CHRM3: variants seen among roughly 807,000 people sequenced by gnomAD.
CHRM3 encodes the protein muscarinic acetylcholine receptor M3.
A neutral mutation model predicts 41.8 loss-of-function variants in CHRM3; 11 were observed. That is an observed-to-expected ratio of 0.26 (90% CI 0.17 to 0.44). The LOEUF (loss-of-function observed/expected upper bound fraction) is 0.44. Among genes scored for constraint, CHRM3 ranks in the 20% least tolerant of loss-of-function variants. CHRM3 has a pLI of 1.00. For synonymous variants in CHRM3, 297 were observed against 301.4 expected, an observed-to-expected ratio of 0.99 and a Z score of 0.15; for missense variants, 571 against 745.4, an observed-to-expected ratio of 0.77 and a Z score of 2.72.
intron 5 of CHRM3, among the ~76,000 whole-genome samples, chr1:239,793,832 GA>G (rs1669543748): frequency 2.5e-5 from 1 of 40,512 alleles, no homozygotes; most frequent in Middle Eastern, 0.017. Flanking sequence ...TTTTTTTGGT[GA>G]TAAGATCTCA....
Position 239,914,015 on chromosome 1 carries a change from G to C in CHRM3, c.*4791G>C, listed in dbSNP as rs1680510962. ...GAGAATCAAAGGGGCTCACATCTCA[G>C]TTGCATTCTATTTAAAAGATAAAGG... On this transcript the variant is annotated 3_prime_UTR_variant, in exon 7 of 7. Coordinates refer to ENST00000676153, the MANE Select transcript of CHRM3 (RefSeq NM_001375978.1). 1 of 166,954 alleles carries C rather than the reference G, an allele frequency of 6.0e-6. No homozygotes were observed. Among genetic ancestry groups the C allele is most frequent in the Non-Finnish European group, 1.5e-5 (1 of 68,120 alleles). 10.3% of individuals were successfully genotyped at this position (166,954 alleles called of 1,614,324 possible).
chr1:239,841,279 T>G (rs1356216238), intron 6 of CHRM3, among the ~76,000 whole-genome samples: 1 of 152,192 alleles, frequency 6.6e-6, no homozygotes, highest in African/African-American at 2.4e-5. Flanking sequence ...TGACAATTTG[T>G]TAGAAGTTTC....
chr1:239,528,751 G>A (rs1670169182), intron 2 of CHRM3, among the ~76,000 whole-genome samples: 1 of 152,042 alleles, frequency 6.6e-6, no homozygotes, highest in Non-Finnish European at 1.5e-5. Context: ...AAGTTAGCTG[G>A]GCATGGTGGC....
chr1:239,872,774 T>C (rs1324322096), intron 6 of CHRM3, among the ~76,000 whole-genome samples: 3 of 152,198 alleles, frequency 2.0e-5, no homozygotes, highest in Admixed American at 6.5e-5. Context: ...GGATATGTTT[T>C]TTCAAGTAAT....
At chr1:239,685,531 C>T (rs1659048450) in intron 5 of CHRM3, among the ~76,000 whole-genome samples, 1 of 151,906 alleles carries the variant, frequency 6.6e-6, no homozygotes, top group African/African-American at 2.4e-5. Context: ...CCTCTCAAAA[C>T]TGTGTTCTGG....
chr1:239,697,280 GTT>G (rs1437975219), intron 5 of CHRM3, among the ~76,000 whole-genome samples: 15 of 152,194 alleles, frequency 9.9e-5, no homozygotes, highest in African/African-American at 3.6e-4. Context: ...AGATCTGATG[GTT>G]TTATAAAGGC....
At chr1:239,654,012 A>G (rs1672477753) in intron 4 of CHRM3, among the ~76,000 whole-genome samples, 1 of 152,224 alleles carries the variant, frequency 6.6e-6, no homozygotes, top group Non-Finnish European at 1.5e-5. Flanking sequence ...CCTAGGCTGG[A>G]GTGCAGTGGC....
intron 5 of CHRM3, chr1:239,706,280 A>G (rs1661157480): frequency 6.6e-6 from 1 of 151,632 alleles, no homozygotes; most frequent in African/African-American, 2.4e-5. Context: ...TGATTTATTT[A>G]TGGGATTGAA....
At chr1:239,822,172 A>T (rs6429161) in intron 5 of CHRM3, among the ~76,000 whole-genome samples, 22,922 of 152,190 alleles carry the variant, frequency 0.15, 2,204 homozygotes, top group African/African-American at 0.26. Context: ...TCTGCATAGA[A>T]ATCTAATTCA....
chr1:239,908,283 G>A lies in CHRM3; in HGVS notation c.832G>A (p.Glu278Lys), dbSNP rs751770776. The part of the protein sequence containing the change: ...LQASGTEAET[E>K]NFVHPTGSSR... The stretch of plus-strand genomic sequence containing the variant: ...AGCCTCTGGGACAGAGGCAGAGACA[G>A]AAAACTTTGTCCACCCCACGGGCAG... The change falls in exon 7 of 7, where the codon GAA (glutamate) becomes AAA (lysine). Residue 278 changes from glutamate (E) to lysine (K), a missense_variant. Glu to Lys is a moderately conservative substitution (Grantham distance 56). Around this residue, in one of 5 missense-constraint regions of CHRM3, gnomAD observed 153 missense variants for 296.3 expected, o/e 0.52. Coordinates refer to ENST00000676153, the MANE Select transcript of CHRM3 (RefSeq NM_001375978.1). The surrounding 1 kb of genome is among the most constrained non-coding windows in gnomAD (Gnocchi z 7.2). 14 of 1,614,020 alleles carry A rather than the reference G, an allele frequency of 8.7e-6. No homozygotes were observed.
At chr1:239,494,409 G>C (rs1279389513) in intron 2 of CHRM3, among the ~76,000 whole-genome samples, 1 of 152,048 alleles carries the variant, frequency 6.6e-6, no homozygotes, top group Non-Finnish European at 1.5e-5. Context: ...TCCGTACTAT[G>C]TGCACTTCAG....
At chr1:239,661,949 C>G (rs1284156184) in intron 4 of CHRM3, among the ~76,000 whole-genome samples, 1 of 151,940 alleles carries the variant, frequency 6.6e-6, no homozygotes, top group Admixed American at 6.6e-5. Context: ...TCTGTAGTTT[C>G]TGTTCTACTT....
At chr1:239,755,734 G>T (rs902092123) in intron 5 of CHRM3, among the ~76,000 whole-genome samples, 2 of 152,186 alleles carry the variant, frequency 1.3e-5, no homozygotes, top group South Asian at 4.1e-4. Context: ...CTGGGATCTT[G>T]TAGTCACTGG....
intron 5 of CHRM3, among the ~76,000 whole-genome samples, chr1:239,802,857 C>G (rs1319727509): frequency 6.6e-6 from 1 of 152,176 alleles, no homozygotes; most frequent in Non-Finnish European, 1.5e-5. Flanking sequence ...TTCAGCCTCC[C>G]AAAGTGCTGG....
rs565616826 is a variant in CHRM3, at chr1:239,446,045, C to T, written c.-520-46664C>T. 2.0e-5 allele frequency among the ~76,000 whole-genome samples: 3 copies of T among 152,022 alleles called. No homozygotes were observed. In the South Asian group the frequency reaches 6.2e-4, roughly 31 times the overall value. On this transcript the variant is annotated intron_variant, in intron 1 of 6. Transcript: ENST00000676153. The stretch of plus-strand genomic sequence containing the variant: ...CTCTGCCTCCCGGGTTCAAGCAATT[C>T]TCCTGCCTCAGCCTCTGAGTAGCTG...
intron 5 of CHRM3, among the ~76,000 whole-genome samples, chr1:239,702,156 G>C (rs1192123055): frequency 6.6e-6 from 1 of 152,046 alleles, no homozygotes; most frequent in African/African-American, 2.4e-5. Context: ...GAATGTTGCT[G>C]CTCTTTGGTT....
At chr1:239,567,791 T>C (rs1014813000) in intron 3 of CHRM3, among the ~76,000 whole-genome samples, 1 of 152,148 alleles carries the variant, frequency 6.6e-6, no homozygotes, top group Non-Finnish European at 1.5e-5. Context: ...TCCCTGCACT[T>C]GGCTGGTTTG....
intron 4 of CHRM3, among the ~76,000 whole-genome samples, chr1:239,664,226 T>G (rs2149028305): frequency 6.6e-6 from 1 of 152,360 alleles, no homozygotes; most frequent in South Asian, 2.1e-4. Flanking sequence ...TATCTTCACG[T>G]AAGTCATCCT....
chr1:239,618,303 A>G (rs1287511340), intron 3 of CHRM3, among the ~76,000 whole-genome samples: 1 of 137,406 alleles, frequency 7.3e-6, no homozygotes, highest in African/African-American at 2.8e-5. Context: ...TTTAATGACA[A>G]GCAGAGTGGT....
Sources: gnomAD v4.1 joint callset for allele counts (sites outside exome capture counted in the v4.1 genomes callset) on GRCh38, gnomAD v4.1.1 for gene constraint, gnomAD v4.1.1 regional missense constraint, Gnocchi (gnomAD v3.1) non-coding constraint, MANE v1.5 for transcripts, NCBI Gene and HGNC (gene_info 2026-07-23, HGNC 2026-07-21) for gene names.